The following ACTR3B variants were observed in gnomAD, a reference collection of about 807,000 sequenced individuals.
ACTR3B encodes actin related protein 3B.
In ACTR3B, 8 loss-of-function variants were observed where a neutral mutation model predicts 59.0. That is an observed-to-expected ratio of 0.14 (90% CI 0.08 to 0.24). The LOEUF is 0.24. ACTR3B is among the 10% of genes least tolerant of loss of function. The pLI, the probability that ACTR3B is intolerant of heterozygous loss-of-function variation, is 1.00. For missense variants in ACTR3B, 245 were observed against 552.3 expected, an observed-to-expected ratio of 0.44 and a Z score of 5.58; for synonymous variants, 148 against 197.9, an observed-to-expected ratio of 0.75 and a Z score of 2.12.
chr7:152,787,867 A>G (rs1252628323), intron 2 of ACTR3B, among the ~76,000 whole-genome samples: 1 of 151,358 alleles, frequency 6.6e-6, no homozygotes, highest in African/African-American at 2.4e-5. Flanking sequence ...TTTAGTGTTC[A>G]TTTTAGAATC....
At chr7:152,789,923 AG>A (rs1362810442) in intron 2 of ACTR3B, among the ~76,000 whole-genome samples, 1 of 151,780 alleles carries the variant, frequency 6.6e-6, no homozygotes, top group Non-Finnish European at 1.5e-5. Flanking sequence ...CATGAATGAC[AG>A]TGAGTATTGA....
intron 1 of ACTR3B, among the ~76,000 whole-genome samples, chr7:152,778,620 A>T (rs1215174545): frequency 6.6e-6 from 1 of 151,270 alleles, no homozygotes; most frequent in African/African-American, 2.4e-5. Context: ...CTAAACACAC[A>T]GTGTTTTAAA....
chr7:152,778,892 G>A (rs1180886256), intron 1 of ACTR3B, among the ~76,000 whole-genome samples: 10 of 128,620 alleles, frequency 7.8e-5, no homozygotes, highest in African/African-American at 2.6e-4. Flanking sequence ...GCAGTGAGCC[G>A]TGATCACACC....
intron 8 of ACTR3B, 111 bp downstream of exon 8, chr7:152,823,626 T>C: frequency 7.6e-7 from 1 of 1,323,450 alleles, no homozygotes; most frequent in Non-Finnish European, 1.0e-6. Flanking sequence ...GTGGCCGTCA[T>C]TCGGTCTCTC....
Position 152,800,557 on chromosome 7 carries a change from G to C in ACTR3B, c.127G>C (p.Val43Leu). ...SCIAIRESAK[V>L]VDQAQRRVLR... Reference sequence around the variant, plus strand: ...TATTGCCATCAGAGAGTCAGCAAAGGTAGTTGACCAAGCTCAAAGGAGAGT... The same window carrying C: ...TATTGCCATCAGAGAGTCAGCAAAGCTAGTTGACCAAGCTCAAAGGAGAGT... The change falls in exon 3 of 12, where the codon GTA becomes CTA. Residue 43 changes from valine (V) to leucine (L), a missense_variant. Transcript: ENST00000256001. 6.2e-7 allele frequency: 1 copy of C among 1,614,044 alleles called. No homozygotes were observed. The highest frequency in any genetic ancestry group is 1.7e-5 in the Admixed American group (1 of 60,018).
intron 1 of ACTR3B, among the ~76,000 whole-genome samples, chr7:152,769,512 C>G (rs971002333): frequency 1.3e-5 from 2 of 151,884 alleles, no homozygotes; most frequent in African/African-American, 4.8e-5. Flanking sequence ...TATTGTTTTG[C>G]TTTTTAGTCA....
intron 9 of ACTR3B, among the ~76,000 whole-genome samples, chr7:152,827,021 G>T (rs1028265001): frequency 6.0e-5 from 9 of 150,848 alleles, no homozygotes; most frequent in African/African-American, 2.0e-4. Context: ...TCTTTTTGTT[G>T]CCCGTGCTGG....
At position 152,835,201 on chromosome 7, in the gene ACTR3B, C is replaced by G. The variant is rs1192547658; in HGVS notation, c.951+10079C>G. ...CCACGTGGGCTGAGCCGCTTCCTAG[C>G]ATCGTGACTGCACTCATTCCCCAGC... On this transcript the variant is annotated intron_variant, in intron 9 of 11. Transcript: ENST00000256001. 7.2e-5 allele frequency among the ~76,000 whole-genome samples: 11 copies of G among 152,344 alleles called. No individual in the cohort carries two copies. The East Asian group carries it at 2.1e-3, about 29-fold the overall frequency.
chr7:152,830,972 A>G (rs527943948), intron 9 of ACTR3B, among the ~76,000 whole-genome samples: 1 of 152,346 alleles, frequency 6.6e-6, no homozygotes, highest in Admixed American at 6.5e-5. Context: ...ATTCAGATGA[A>G]GTCCTGGTTG....
intron 2 of ACTR3B, among the ~76,000 whole-genome samples, chr7:152,791,513 C>T (rs200918081): frequency 0.013 from 1,739 of 135,566 alleles, no homozygotes; most frequent in East Asian, 0.037. Context: ...TTACATCTTA[C>T]AAATTGTAGT....
Position 152,823,497 on chromosome 7 carries a change from A to G in ACTR3B, c.840A>G (p.Glu280=). Residue 280 remains glutamate, a synonymous_variant, in exon 8 of 12, where the codon GAA becomes GAG. Coordinates refer to ENST00000256001, the MANE Select transcript of ACTR3B (RefSeq NM_020445.6). ...GTTACGAAAGATTCCTGGGACCTGA[A>G]ATATTCTTTCACCCGGAGGTGAGAT... ...DVGYERFLGP[E]IFFHPEFANP... is the part of the protein sequence containing the mutation. The G allele has an allele frequency of 6.2e-7, 1 of 1,614,126 alleles. No individual in the cohort carries two copies. Among genetic ancestry groups the G allele is most frequent in the Non-Finnish European group, 8.5e-7 (1 of 1,180,014 alleles).
At position 152,825,022 on chromosome 7, in the gene ACTR3B, C is replaced by A. The variant is rs773449965; in HGVS notation, c.859-8C>A. The A allele has an allele frequency of 1.2e-6, 2 of 1,612,180 alleles. No homozygotes were observed. The highest frequency in any genetic ancestry group is 1.7e-6 in the Non-Finnish European group (2 of 1,179,180). ...GTAATGTTTCTTTTATATTGATACACAATTCAGTTTGCCAACCCAGACTTT... is the reference window on the plus strand; with the variant it reads ...GTAATGTTTCTTTTATATTGATACAAAATTCAGTTTGCCAACCCAGACTTT... On this transcript the variant is annotated splice_region_variant and splice_polypyrimidine_tract_variant and intron_variant, in intron 8 of 11. Coordinates refer to ENST00000256001, the MANE Select transcript of ACTR3B (RefSeq NM_020445.6).
intron 2 of ACTR3B, among the ~76,000 whole-genome samples, chr7:152,798,131 C>G (rs2098223672): frequency 6.6e-6 from 1 of 152,078 alleles, no homozygotes; most frequent in South Asian, 2.1e-4. Context: ...CATAATGGCT[C>G]TACTGATTTG....
At chr7:152,796,375 T>C (rs1238143656) in intron 2 of ACTR3B, among the ~76,000 whole-genome samples, 1 of 151,602 alleles carries the variant, frequency 6.6e-6, no homozygotes, top group African/African-American at 2.4e-5. Flanking sequence ...TGGTTGTATC[T>C]GGGTACCTGT....
intron 2 of ACTR3B, among the ~76,000 whole-genome samples, chr7:152,788,483 C>T (rs1590252982): frequency 6.7e-6 from 1 of 149,876 alleles, no homozygotes; most frequent in Non-Finnish European, 1.5e-5. Context: ...ACAGTCTCAG[C>T]TCACTGCAAT....
At chr7:152,853,026 T>A (rs189973108) in intron 10 of ACTR3B, among the ~76,000 whole-genome samples, 5 of 151,984 alleles carry the variant, frequency 3.3e-5, no homozygotes, top group Non-Finnish European at 7.4e-5. Flanking sequence ...CTCCTGACCT[T>A]GTGATCCATG....
chr7:152,766,240 G>C (rs2098109948), intron 1 of ACTR3B, among the ~76,000 whole-genome samples: 1 of 152,190 alleles, frequency 6.6e-6, no homozygotes, highest in South Asian at 2.1e-4. Context: ...ACCCAGTGCA[G>C]CCGTGCAGGA....
Position 152,759,936 on chromosome 7 carries a change from G to A in ACTR3B, c.44+10G>A. The A allele has an allele frequency of 2.2e-6, 3 of 1,375,562 alleles. No homozygotes were observed. Among genetic ancestry groups the A allele is most frequent in the Non-Finnish European group, 1.9e-6 (2 of 1,055,072 alleles). The allele number at this position is 1,375,562 out of a possible 1,614,324, so 85.2% of individuals were successfully genotyped here. A position where few individuals can be genotyped will look rare whatever the true frequency, so the allele number is the denominator to read the frequency against. On this transcript the variant is annotated intron_variant, in intron 1 of 11. Coordinates refer to ENST00000256001, the MANE Select transcript of ACTR3B (RefSeq NM_020445.6). ...TGGACTGTGGCACCGGGTAAGAGCA[G>A]CTCGGCGCCCACCCCCGCTCCTCCG...
At chr7:152,808,939 A>G (rs2098260838) in intron 4 of ACTR3B, among the ~76,000 whole-genome samples, 1 of 152,200 alleles carries the variant, frequency 6.6e-6, no homozygotes, top group Non-Finnish European at 1.5e-5. Flanking sequence ...AGGTAGCTTA[A>G]GAGAGAGATT....
Sources: gnomAD v4.1 joint callset for allele counts (sites outside exome capture counted in the v4.1 genomes callset) on GRCh38, gnomAD v4.1.1 for gene constraint, MANE v1.5 for transcripts, NCBI Gene and HGNC (gene_info 2026-07-23, HGNC 2026-07-21) for gene names.